RGS6: variants seen among roughly 807,000 people sequenced by gnomAD.
RGS6 encodes regulator of G protein signaling 6, also known as regulator of G-protein signaling 6.
In RGS6, 30 loss-of-function variants were observed where a neutral mutation model predicts 78.5. The observed-to-expected ratio is 0.38, with a 90% CI of 0.29 to 0.52. The LOEUF is 0.52. RGS6 is among the 20% of genes least tolerant of loss of function. RGS6 has a pLI of 0.85. For synonymous variants in RGS6, 206 were observed against 206.0 expected, an observed-to-expected ratio of 1.00 and a Z score of 0.00; for missense variants, 495 against 609.7, an observed-to-expected ratio of 0.81 and a Z score of 1.98.
At chr14:72,591,943 G>A in the RGS6 span, among the ~76,000 whole-genome samples, 10 of 152,158 alleles carry the variant, frequency 6.6e-5, no homozygotes, top group East Asian at 3.9e-4. Context: ...TACCCCTTCC[G>A]TCATGCTAAA....
intron 2 of RGS6, among the ~76,000 whole-genome samples, chr14:72,339,324 A>C (rs2076572564): frequency 6.6e-6 from 1 of 152,206 alleles, no homozygotes; most frequent in Non-Finnish European, 1.5e-5. Context: ...CCCTCACCAG[A>C]CACCAAATCT....
At chr14:72,398,660 A>G (rs1236545723) in intron 3 of RGS6, among the ~76,000 whole-genome samples, 1 of 151,848 alleles carries the variant, frequency 6.6e-6, no homozygotes, top group Non-Finnish European at 1.5e-5. Context: ...TCAATTTTAG[A>G]CCTTTCATGC....
intron 2 of RGS6, among the ~76,000 whole-genome samples, chr14:72,067,226 C>G (rs911487367): frequency 6.6e-6 from 1 of 152,176 alleles, no homozygotes; most frequent in African/African-American, 2.4e-5. Context: ...AAACCAAACA[C>G]TGCATGTTCT....
chr14:71,893,582 G>A, the RGS6 span, among the ~76,000 whole-genome samples: 4 of 152,192 alleles, frequency 2.6e-5, no homozygotes, highest in African/African-American at 9.7e-5. Context: ...GGCATGGGCT[G>A]AAGGTACCCT....
chr14:72,346,542 GAC>G (rs2078098122), intron 2 of RGS6, among the ~76,000 whole-genome samples: 5 of 152,208 alleles, frequency 3.3e-5, no homozygotes, highest in Admixed American at 3.3e-4. Context: ...CACCTGGTAA[GAC>G]AGACAACATG....
chr14:72,461,027 C>G (rs1381434060), intron 6 of RGS6, among the ~76,000 whole-genome samples: 4 of 152,048 alleles, frequency 2.6e-5, no homozygotes, highest in African/African-American at 9.7e-5. Context: ...TCCACAGGCA[C>G]CACTGTGGGC....
At chr14:72,210,300 G>T (rs2043781319) in intron 2 of RGS6, among the ~76,000 whole-genome samples, 1 of 152,150 alleles carries the variant, frequency 6.6e-6, no homozygotes. Flanking sequence ...CCTTTTTGCT[G>T]CTAGAGAGGT....
intron 2 of RGS6, among the ~76,000 whole-genome samples, chr14:72,183,819 T>C (rs1347467820): frequency 1.3e-5 from 2 of 152,218 alleles, no homozygotes; most frequent in East Asian, 3.8e-4. Context: ...TATGTGGCCA[T>C]ATGTGCCTTG....
chr14:71,979,035 T>C (rs1280810502), intron 2 of RGS6, among the ~76,000 whole-genome samples: 1 of 151,698 alleles, frequency 6.6e-6, no homozygotes, highest in African/African-American at 2.4e-5. Flanking sequence ...TTCTAGACTT[T>C]CTAGTTTATT....
chr14:72,276,964 TC>T (rs2060781982), intron 2 of RGS6, among the ~76,000 whole-genome samples: 1 of 152,206 alleles, frequency 6.6e-6, no homozygotes, highest in Non-Finnish European at 1.5e-5. Flanking sequence ...GAATACAAGT[TC>T]CATGAAGGCA....
At chr14:72,525,309 T>G (rs1182757931) in intron 15 of RGS6, among the ~76,000 whole-genome samples, 1 of 152,178 alleles carries the variant, frequency 6.6e-6, no homozygotes, top group African/African-American at 2.4e-5. Context: ...GAATACCCAC[T>G]AAGTGTCAGA....
chr14:72,406,767 G>T (rs1415831808), intron 3 of RGS6, among the ~76,000 whole-genome samples: 1 of 152,170 alleles, frequency 6.6e-6, no homozygotes, highest in Non-Finnish European at 1.5e-5. Flanking sequence ...TCCCAAACCA[G>T]CCACCACACA....
At chr14:72,444,379 G>T (rs959453853) in intron 3 of RGS6, among the ~76,000 whole-genome samples, 2 of 152,026 alleles carry the variant, frequency 1.3e-5, no homozygotes, top group African/African-American at 2.4e-5. Context: ...GGGAGGTGAG[G>T]GGGGATGGGG....
intron 3 of RGS6, among the ~76,000 whole-genome samples, chr14:72,439,988 C>T (rs1404451683): frequency 6.6e-6 from 1 of 152,232 alleles, no homozygotes; most frequent in African/African-American, 2.4e-5. Context: ...CAATCCCTAA[C>T]CCACCCAAAC....
intron 2 of RGS6, among the ~76,000 whole-genome samples, chr14:72,110,578 T>C (rs756640702): frequency 2.6e-5 from 4 of 152,186 alleles, no homozygotes; most frequent in Non-Finnish European, 5.9e-5. Flanking sequence ...CCCTCTCTAC[T>C]AAATTAGCTC....
intron 15 of RGS6, among the ~76,000 whole-genome samples, chr14:72,530,990 A>AG (rs5809579): frequency 0.78 from 118,854 of 152,246 alleles, 47,330 homozygotes; most frequent in East Asian, 0.95. Flanking sequence ...CATCTGTAAA[A>AG]ATAAACACAT....
intron 2 of RGS6, among the ~76,000 whole-genome samples, chr14:72,198,119 G>A (rs2040626005): frequency 6.6e-6 from 1 of 152,090 alleles, no homozygotes; most frequent in Admixed American, 6.5e-5. Context: ...CCAGCATTTT[G>A]AGAGGCTGAG....
chr14:72,307,608 C>T (rs1020679010), intron 2 of RGS6, among the ~76,000 whole-genome samples: 8 of 152,182 alleles, frequency 5.3e-5, no homozygotes, highest in African/African-American at 1.4e-4. Flanking sequence ...ATGGATCTGT[C>T]TCTTCATGCA....
At chr14:71,891,963 G>A in the RGS6 span, among the ~76,000 whole-genome samples, 1 of 152,130 alleles carries the variant, frequency 6.6e-6, no homozygotes, top group Non-Finnish European at 1.5e-5. Flanking sequence ...CATGTAGAAT[G>A]TCTGTCATGA....
Sources: allele counts gnomAD v4.1 joint callset (sites outside exome capture counted in the v4.1 genomes callset), GRCh38; gene constraint gnomAD v4.1.1; transcripts MANE v1.5; gene names NCBI Gene and HGNC (gene_info 2026-07-23, HGNC 2026-07-21).